The following FHIT variants were observed in gnomAD, a reference collection of about 807,000 sequenced individuals.
The protein encoded by FHIT is fragile histidine triad diadenosine triphosphatase, also known as bis(5'-adenosyl)-triphosphatase.
Under a neutral mutation model 17.9 loss-of-function variants are expected in FHIT, and 19 were observed. The ratio of observed to expected loss-of-function variants is 1.06; its 90% CI spans 0.74 to 1.56. FHIT has a LOEUF of 1.56. FHIT is among the 40% of genes most tolerant of loss of function. FHIT has a pLI of 0.00. For synonymous variants in FHIT, 81 were observed against 69.7 expected (o/e 1.16, Z -0.81); for missense variants, 248 against 189.2 (o/e 1.31, Z -1.82).
chr3:60,570,364 T>C (rs1278867635), intron 4 of FHIT, among the ~76,000 whole-genome samples: 1 of 152,128 alleles, frequency 6.6e-6, no homozygotes. Flanking sequence ...AAATAGCAAT[T>C]TTTTTACTCG....
intron 5 of FHIT, among the ~76,000 whole-genome samples, chr3:60,255,304 A>T (rs1187490003): frequency 6.6e-6 from 1 of 152,108 alleles, no homozygotes; most frequent in African/African-American, 2.4e-5. Context: ...GGGTAAAGGG[A>T]TTTTCCAGGG....
chr3:60,569,751 A>AT (rs1272456475), intron 4 of FHIT, among the ~76,000 whole-genome samples: 1 of 69,782 alleles, frequency 1.4e-5, no homozygotes, highest in Non-Finnish European at 2.7e-5. Context: ...ATATATATAT[A>AT]TATATTTTTT....
intron 8 of FHIT, among the ~76,000 whole-genome samples, chr3:59,761,611 A>AT (rs1021950824): frequency 5.3e-4 from 74 of 140,634 alleles, no homozygotes; most frequent in Middle Eastern, 3.6e-3. Context: ...AATTTATTTT[A>AT]TTTTTTTTTT....
At chr3:60,090,673 G>A (rs534593029) in intron 5 of FHIT, among the ~76,000 whole-genome samples, 1 of 152,172 alleles carries the variant, frequency 6.6e-6, no homozygotes, top group South Asian at 2.1e-4. Flanking sequence ...ACATGCTGGG[G>A]TCTTGAATAG....
chr3:60,409,448 G>A (rs982987891), intron 5 of FHIT, among the ~76,000 whole-genome samples: 1 of 152,168 alleles, frequency 6.6e-6, no homozygotes, highest in Non-Finnish European at 1.5e-5. Flanking sequence ...ATGATCTATC[G>A]CACAAATTGA....
chr3:60,661,768 C>T (rs2107826055), intron 4 of FHIT, among the ~76,000 whole-genome samples: 1 of 152,248 alleles, frequency 6.6e-6, no homozygotes, highest in East Asian at 1.9e-4. Flanking sequence ...GGTAGTATTA[C>T]ATTGTGGTTT....
chr3:60,031,897 A>G (rs1015609466), intron 5 of FHIT, among the ~76,000 whole-genome samples: 4 of 152,238 alleles, frequency 2.6e-5, no homozygotes, highest in Non-Finnish European at 5.9e-5. Flanking sequence ...GATGTAGGCA[A>G]TGAACCACTG....
At chr3:60,933,945 C>T (rs565970383) in intron 3 of FHIT, among the ~76,000 whole-genome samples, 1 of 152,174 alleles carries the variant, frequency 6.6e-6, no homozygotes, top group Non-Finnish European at 1.5e-5. Flanking sequence ...TCAGGCCTCA[C>T]ACCACTGTTT....
intron 3 of FHIT, among the ~76,000 whole-genome samples, chr3:60,902,244 T>G (rs962844926): frequency 6.6e-6 from 1 of 152,240 alleles, no homozygotes; most frequent in East Asian, 1.9e-4. Flanking sequence ...AAAAACATCA[T>G]ATAAATGCAA....
intron 7 of FHIT, among the ~76,000 whole-genome samples, chr3:60,002,151 T>C (rs1699753414): frequency 6.6e-6 from 1 of 152,154 alleles, no homozygotes; most frequent in Non-Finnish European, 1.5e-5. Context: ...TCATTTTTCA[T>C]GTAACGTCAG....
At chr3:59,799,882 C>T (rs1477561505) in intron 8 of FHIT, among the ~76,000 whole-genome samples, 2 of 152,158 alleles carry the variant, frequency 1.3e-5, no homozygotes, top group African/African-American at 4.8e-5. Flanking sequence ...GCAGGCCTTT[C>T]ACAATCACAT....
chr3:60,800,710 CA>C (rs1701156161), intron 4 of FHIT, among the ~76,000 whole-genome samples: 2 of 152,096 alleles, frequency 1.3e-5, no homozygotes, highest in South Asian at 4.2e-4. Flanking sequence ...GGGAAGAAGC[CA>C]CGGAAAGATA....
chr3:60,632,548 T>C (rs2039473478), intron 4 of FHIT, among the ~76,000 whole-genome samples: 1 of 152,150 alleles, frequency 6.6e-6, no homozygotes, highest in African/African-American at 2.4e-5. Flanking sequence ...AGGCACAGAA[T>C]ATAATTTAGT....
intron 4 of FHIT, among the ~76,000 whole-genome samples, chr3:60,714,978 T>A (rs1347255527): frequency 2.6e-5 from 4 of 152,080 alleles, no homozygotes; most frequent in Non-Finnish European, 4.4e-5. Flanking sequence ...CATCGCCAAG[T>A]CAATCCTAAG....
chr3:61,027,180 G>C (rs1156523533), intron 3 of FHIT, among the ~76,000 whole-genome samples: 1 of 152,054 alleles, frequency 6.6e-6, no homozygotes, highest in Non-Finnish European at 1.5e-5. Flanking sequence ...TCTGCCTCCT[G>C]TGTTCAAGTG....
chr3:60,393,102 CT>C (rs1420529560), intron 5 of FHIT, among the ~76,000 whole-genome samples: 3 of 152,138 alleles, frequency 2.0e-5, no homozygotes, highest in African/African-American at 2.4e-5. Context: ...CCCCTTCTGA[CT>C]TTTTTCATTT....
At chr3:60,891,945 CA>C (rs2107178282) in intron 3 of FHIT, among the ~76,000 whole-genome samples, 2 of 152,214 alleles carry the variant, frequency 1.3e-5, no homozygotes, top group South Asian at 4.1e-4. Flanking sequence ...AATATGGCAC[CA>C]AGACTGGAAA....
chr3:60,806,225 G>T (rs1206229531), intron 4 of FHIT, among the ~76,000 whole-genome samples: 1 of 152,166 alleles, frequency 6.6e-6, no homozygotes, highest in Non-Finnish European at 1.5e-5. Flanking sequence ...TCTCTTAGAG[G>T]CAGGAAAACA....
intron 3 of FHIT, among the ~76,000 whole-genome samples, chr3:60,859,597 C>T (rs2106952020): frequency 6.6e-6 from 1 of 152,052 alleles, no homozygotes; most frequent in Non-Finnish European, 1.5e-5. Flanking sequence ...CTTTTCCCTT[C>T]TCAGGCACCC....
Sources: gnomAD v4.1 joint callset for allele counts (sites outside exome capture counted in the v4.1 genomes callset) on GRCh38, gnomAD v4.1.1 for gene constraint, MANE v1.5 for transcripts, NCBI Gene and HGNC (gene_info 2026-07-23, HGNC 2026-07-21) for gene names.